The following RBFOX1 variants were observed in gnomAD, a reference collection of about 807,000 sequenced individuals.
RBFOX1 encodes the protein RNA binding fox-1 homolog 1, also known as RNA binding protein fox-1 homolog 1.
In RBFOX1, 8 loss-of-function variants were observed where a neutral mutation model predicts 57.7. That is an observed-to-expected ratio of 0.14 (90% CI 0.08 to 0.25). RBFOX1 has a LOEUF of 0.25. Ranked by LOEUF, RBFOX1 falls within the 10% of genes least tolerant of loss-of-function variation. RBFOX1 has a pLI of 1.00. For missense variants in RBFOX1, 611 were observed against 548.5 expected (o/e 1.11, Z -1.14); for synonymous variants, 326 against 222.4 (o/e 1.47, Z -4.15).
Position 7,421,981 on chromosome 16 carries a change from A to C in RBFOX1, c.28-96166A>C, listed in dbSNP as rs888405939. On this transcript the variant is annotated intron_variant, in intron 4 of 15. Coordinates refer to ENST00000550418, the MANE Select transcript of RBFOX1 (RefSeq NM_018723.4). ...GCCATATCTGTTCCATATTTTTCAG[A>C]GGGAGAAAATAGAATAAAAACCCTC... Among the ~76,000 whole-genome samples, 5 of 152,118 alleles carry C rather than the reference A, an allele frequency of 3.3e-5. No homozygotes were observed. The South Asian group carries it at 1.0e-3, about 32-fold the overall frequency.
At chr16:6,770,693 C>G (rs2078143348) in intron 3 of RBFOX1, among the ~76,000 whole-genome samples, 1 of 152,092 alleles carries the variant, frequency 6.6e-6, no homozygotes, top group African/African-American at 2.4e-5. Context: ...CTCCGTCTGC[C>G]TGGGAGGCAG....
Position 6,621,752 on chromosome 16 carries a change from C to G in RBFOX1, c.-63-32851C>G, listed in dbSNP as rs1272496098. On this transcript the variant is annotated intron_variant, in intron 2 of 15. Coordinates refer to ENST00000550418, the MANE Select transcript of RBFOX1 (RefSeq NM_018723.4). ...CACCTGGCCTGACTCACAGATCAAC[C>G]TTTAGGCTAATCACTGCAGCTAGAA... Among the ~76,000 whole-genome samples the G allele has an allele frequency of 2.0e-5, 3 of 152,160 alleles. No homozygotes were observed. The East Asian group carries it at 5.8e-4, about 29-fold the overall frequency.
At chr16:7,063,641 C>A (rs1175345272) in intron 4 of RBFOX1, among the ~76,000 whole-genome samples, 1 of 152,034 alleles carries the variant, frequency 6.6e-6, no homozygotes, top group Non-Finnish European at 1.5e-5. Flanking sequence ...TGCTATTGGC[C>A]CTTCATATCT....
At chr16:5,812,097 C>T (rs1238000183) in intron 3 of RBFOX1, among the ~76,000 whole-genome samples, 3 of 152,176 alleles carry the variant, frequency 2.0e-5, no homozygotes, top group African/African-American at 4.8e-5. Flanking sequence ...CAGGTTCACC[C>T]ACACTGTCCC....
intron 1 of RBFOX1, among the ~76,000 whole-genome samples, chr16:6,031,091 G>T (rs1362908596): frequency 1.3e-5 from 2 of 152,132 alleles, no homozygotes; most frequent in Non-Finnish European, 1.5e-5. Context: ...TAATAAAAGA[G>T]TGAGTGACCC....
At chr16:6,686,985 C>T (rs897200135) in intron 3 of RBFOX1, among the ~76,000 whole-genome samples, 3 of 152,138 alleles carry the variant, frequency 2.0e-5, no homozygotes, top group African/African-American at 4.8e-5. Flanking sequence ...TTATATATAA[C>T]AAACCAATAA....
chr16:7,221,433 C>G (rs902147416), intron 4 of RBFOX1, among the ~76,000 whole-genome samples: 12 of 151,952 alleles, frequency 7.9e-5, no homozygotes, highest in Non-Finnish European at 1.3e-4. Flanking sequence ...GTGGCCCAAT[C>G]TTGGCTCACT....
At position 7,653,939 on chromosome 16, in the gene RBFOX1, C is replaced by G. The variant is rs766929177; in HGVS notation, c.882C>G (p.Ala294=). ...CGGCGCCCCCGCCCCCGATCCCGGC[C>G]TACGGCGGGTAAGTGGGGCAGCCTC... ...RAAAPPPPIP[A]YGGVVYQDGF... Residue 294 remains alanine, a synonymous_variant, in exon 12 of 16, where the codon GCC becomes GCG. Coordinates refer to ENST00000550418, the MANE Select transcript of RBFOX1 (RefSeq NM_018723.4). 1 of 1,531,178 alleles carries G rather than the reference C, an allele frequency of 6.5e-7. No homozygotes were observed. Among genetic ancestry groups the G allele is most frequent in the Non-Finnish European group, 8.7e-7 (1 of 1,146,704 alleles). The allele number at this position is 1,531,178 out of a possible 1,614,324, so 94.8% of individuals were successfully genotyped here.
At chr16:5,636,836 A>G in intron 3 of RBFOX1, among the ~76,000 whole-genome samples, 1 of 152,176 alleles carries the variant, frequency 6.6e-6, no homozygotes, top group South Asian at 2.1e-4. Context: ...AGACCTGGGA[A>G]GTAAACATTT....
At chr16:6,896,981 A>G (rs1453495145) in intron 3 of RBFOX1, among the ~76,000 whole-genome samples, 2 of 152,198 alleles carry the variant, frequency 1.3e-5, no homozygotes, top group African/African-American at 4.8e-5. Context: ...GTCTAAGGAA[A>G]TGTCGTGGCT....
At chr16:6,117,138 C>T (rs980921862) in intron 1 of RBFOX1, among the ~76,000 whole-genome samples, 2 of 152,122 alleles carry the variant, frequency 1.3e-5, no homozygotes, top group Non-Finnish European at 2.9e-5. Context: ...TGCTGAGTTC[C>T]ATTCTTGGGT....
At chr16:6,131,504 C>G (rs972161718) in intron 1 of RBFOX1, among the ~76,000 whole-genome samples, 33 of 152,166 alleles carry the variant, frequency 2.2e-4, no homozygotes, top group African/African-American at 7.0e-4. Context: ...GAAAGTCACC[C>G]TCTAAGATTC....
At chr16:6,377,640 T>G (rs186549466) in intron 2 of RBFOX1, among the ~76,000 whole-genome samples, 12 of 152,320 alleles carry the variant, frequency 7.9e-5, no homozygotes. Flanking sequence ...CGCCTCACCC[T>G]CTCTTAAAAG....
chr16:5,507,319 C>T (rs1349096988), intron 2 of RBFOX1, among the ~76,000 whole-genome samples: 1 of 152,070 alleles, frequency 6.6e-6, no homozygotes, highest in Admixed American at 6.6e-5. Context: ...TTTTCTCTCA[C>T]TGCTCCCCAA....
intron 1 of RBFOX1, among the ~76,000 whole-genome samples, chr16:6,282,022 A>G (rs2076429477): frequency 6.6e-6 from 1 of 152,168 alleles, no homozygotes; most frequent in South Asian, 2.1e-4. Context: ...CACTCTATAG[A>G]GTGGTATCAT....
intron 2 of RBFOX1, among the ~76,000 whole-genome samples, chr16:6,511,843 C>T (rs1051580017): frequency 6.6e-6 from 1 of 152,150 alleles, no homozygotes; most frequent in Non-Finnish European, 1.5e-5. Context: ...CGGCTTTCTT[C>T]TTTTGATAAT....
intron 1 of RBFOX1, among the ~76,000 whole-genome samples, chr16:6,151,930 A>T (rs1346468631): frequency 6.6e-6 from 1 of 152,226 alleles, no homozygotes; most frequent in Admixed American, 6.5e-5. Context: ...TACTTGCTTA[A>T]AAGGAGAAAA....
At position 6,221,596 on chromosome 16, in the gene RBFOX1, C is replaced by A. The variant is rs75102273; in HGVS notation, c.-126-95399C>A. Among the ~76,000 whole-genome samples the A allele has an allele frequency of 3.0e-3, 458 of 152,302 alleles. 1 individual carries two copies. Among genetic ancestry groups the A allele is most frequent in the African/African-American group, 0.01 (417 of 41,572 alleles). On this transcript the variant is annotated intron_variant, in intron 1 of 15. Coordinates refer to ENST00000550418, the MANE Select transcript of RBFOX1 (RefSeq NM_018723.4). ...AGCTAAATTAATGTATTAGTCCATTCTTATACTGCTAATAAAGACATACCT... is the reference window on the plus strand; with the variant it reads ...AGCTAAATTAATGTATTAGTCCATTATTATACTGCTAATAAAGACATACCT...
chr16:5,980,685 G>C (rs1030134235), intron 4 of RBFOX1, among the ~76,000 whole-genome samples: 1 of 152,150 alleles, frequency 6.6e-6, no homozygotes, highest in Non-Finnish European at 1.5e-5. Context: ...TTAATATCAT[G>C]AGGAGGTTTC....
Sources: allele counts gnomAD v4.1 joint callset (sites outside exome capture counted in the v4.1 genomes callset), GRCh38; gene constraint gnomAD v4.1.1; transcripts MANE v1.5; gene names NCBI Gene and HGNC (gene_info 2026-07-23, HGNC 2026-07-21).